The following NRXN1 variants were observed in gnomAD, a reference collection of about 807,000 sequenced individuals.
NRXN1 encodes the protein neurexin-1.
In NRXN1, 39 loss-of-function variants were observed where a neutral mutation model predicts 150.9. The observed-to-expected ratio is 0.26, with a 90% CI of 0.20 to 0.34. The LOEUF is 0.34. Among genes scored for constraint, NRXN1 ranks in the 10% least tolerant of loss-of-function variants. NRXN1 has a pLI of 1.00. For missense variants in NRXN1, 1,815 were observed against 1,949.9 expected (o/e 0.93, Z 1.30); for synonymous variants, 924 against 757.0 (o/e 1.22, Z -3.62).
chr2:50,001,828 G>A (rs913160382), intron 21 of NRXN1, among the ~76,000 whole-genome samples: 26 of 152,032 alleles, frequency 1.7e-4, no homozygotes, highest in East Asian at 1.6e-3. Context: ...CCCTTTAAGC[G>A]TGGACATGAC....
chr2:50,898,344 A>G (rs913006337), intron 5 of NRXN1, among the ~76,000 whole-genome samples: 3 of 152,110 alleles, frequency 2.0e-5, no homozygotes, highest in Non-Finnish European at 2.9e-5. Flanking sequence ...CTGCAGTTTT[A>G]TTTTTTAAAT....
intron 17 of NRXN1, among the ~76,000 whole-genome samples, chr2:50,384,694 C>A (rs756837062): frequency 6.6e-6 from 1 of 152,090 alleles, no homozygotes; most frequent in Non-Finnish European, 1.5e-5. Flanking sequence ...GTTGTCCCAA[C>A]ATTTTCTTTA....
Position 50,435,344 on chromosome 2 carries a change from T to C in NRXN1, c.3364+30098A>G, listed in dbSNP as rs144441004. Among the ~76,000 whole-genome samples the C allele has an allele frequency of 3.9e-3, 600 of 152,312 alleles. 3 individuals are homozygous for C. Among genetic ancestry groups the C allele is most frequent in the African/African-American group, 0.014 (587 of 41,576 alleles). ...GTATGTGAATACATTATGCAAACTA[T>C]AAAATATATATAATTAAATGCAAGA... On this transcript the variant is annotated intron_variant, in intron 17 of 22. Coordinates refer to ENST00000401669, the MANE Select transcript of NRXN1 (RefSeq NM_001330078.2).
At chr2:50,010,508 A>C (rs902132009) in intron 21 of NRXN1, among the ~76,000 whole-genome samples, 6 of 152,102 alleles carry the variant, frequency 3.9e-5, no homozygotes, top group Admixed American at 3.9e-4. Context: ...CGATAACTCT[A>C]AGAAAATGCC....
At chr2:50,314,321 G>C (rs2075416919) in intron 17 of NRXN1, among the ~76,000 whole-genome samples, 1 of 151,954 alleles carries the variant, frequency 6.6e-6, no homozygotes, top group African/African-American at 2.4e-5. Flanking sequence ...AATGAAGAGA[G>C]TCCTGCCACT....
chr2:50,329,071 A>G (rs1247204084), intron 17 of NRXN1, among the ~76,000 whole-genome samples: 2 of 152,230 alleles, frequency 1.3e-5, no homozygotes, highest in South Asian at 2.1e-4. Context: ...TAGATTGATT[A>G]CAGGAAAATA....
At chr2:50,824,773 T>C (rs1670218158) in intron 5 of NRXN1, among the ~76,000 whole-genome samples, 1 of 152,126 alleles carries the variant, frequency 6.6e-6, no homozygotes. Flanking sequence ...GGAGCATGGA[T>C]ACAAACTGGA....
intron 8 of NRXN1, among the ~76,000 whole-genome samples, chr2:50,613,545 G>T (rs533458364): frequency 6.6e-6 from 1 of 152,218 alleles, no homozygotes; most frequent in Non-Finnish European, 1.5e-5. Flanking sequence ...CATCTGCTGC[G>T]TATCAGCCTG....
chr2:51,019,544 T>A (rs1257763341), intron 2 of NRXN1, among the ~76,000 whole-genome samples: 1 of 152,110 alleles, frequency 6.6e-6, no homozygotes, highest in Non-Finnish European at 1.5e-5. Flanking sequence ...AAATCATGTA[T>A]ATTTGCAGAT....
chr2:50,269,837 G>T (rs1440798974), intron 17 of NRXN1, among the ~76,000 whole-genome samples: 1 of 152,084 alleles, frequency 6.6e-6, no homozygotes, highest in African/African-American at 2.4e-5. Flanking sequence ...GAGGCGGAAA[G>T]GTCTAATTTG....
chr2:50,004,264 C>G (rs555884495), intron 21 of NRXN1, among the ~76,000 whole-genome samples: 4 of 152,124 alleles, frequency 2.6e-5, no homozygotes, highest in African/African-American at 7.2e-5. Flanking sequence ...TAAGGAAAGA[C>G]TCATTTATAA....
chr2:50,167,997 A>G lies in NRXN1; in HGVS notation c.3546+68792T>C, dbSNP rs948049767. 2.6e-5 allele frequency among the ~76,000 whole-genome samples: 4 copies of G among 152,126 alleles called. No homozygotes were observed. The South Asian group carries it at 8.3e-4, about 32-fold the overall frequency. On this transcript the variant is annotated intron_variant, in intron 18 of 22. Transcript: ENST00000401669. ...CTCTGAAATAAAAATGTTACAGAAC[A>G]ATGCTTTTATTTCAAGGTTTGCATT... is the stretch of plus-strand genomic sequence containing the variant.
chr2:50,145,703 C>G (rs934250281), intron 18 of NRXN1, among the ~76,000 whole-genome samples: 5 of 151,696 alleles, frequency 3.3e-5, no homozygotes, highest in African/African-American at 1.2e-4. Context: ...TTTGGTCTAC[C>G]TTTTCCTTTA....
intron 5 of NRXN1, among the ~76,000 whole-genome samples, chr2:50,750,601 A>C (rs910044281): frequency 1.3e-5 from 2 of 152,012 alleles, no homozygotes; most frequent in Non-Finnish European, 2.9e-5. Flanking sequence ...TAATAATAAA[A>C]AAAGAAAACC....
chr2:50,080,801 T>C (rs1697839758), intron 19 of NRXN1, among the ~76,000 whole-genome samples: 1 of 152,182 alleles, frequency 6.6e-6, no homozygotes, highest in South Asian at 2.1e-4. Context: ...CCCAGAGGGC[T>C]ATGTCAGTGG....
At chr2:50,134,921 C>A (rs1574096409) in intron 18 of NRXN1, among the ~76,000 whole-genome samples, 1 of 152,180 alleles carries the variant, frequency 6.6e-6, no homozygotes, top group Non-Finnish European at 1.5e-5. Context: ...GATGTCTAAT[C>A]TATTCTTAAA....
chr2:51,014,909 G>A (rs1668432573), intron 2 of NRXN1, among the ~76,000 whole-genome samples: 1 of 151,996 alleles, frequency 6.6e-6, no homozygotes, highest in African/African-American at 2.4e-5. Context: ...CAGTTGGCAG[G>A]AAAAATTCCA....
chr2:50,815,516 TA>T (rs1668805862), intron 5 of NRXN1, among the ~76,000 whole-genome samples: 1 of 152,166 alleles, frequency 6.6e-6, no homozygotes, highest in Admixed American at 6.6e-5. Flanking sequence ...GAACCCATGG[TA>T]TTTTTTTATT....
chr2:50,856,952 T>C lies in NRXN1; in HGVS notation c.832+64917A>G, dbSNP rs531108653. ...TTCTCACAGTAATTGTCATATCCAG[T>C]GCTCCAGATACCACAAGAGACAAAT... On this transcript the variant is annotated intron_variant, in intron 5 of 22. Transcript: ENST00000401669. Among the ~76,000 whole-genome samples the C allele has an allele frequency of 1.5e-3, 224 of 152,216 alleles. 1 individual carries two copies. The highest frequency in any genetic ancestry group is 5.3e-3 in the African/African-American group (220 of 41,562).
Sources: allele counts gnomAD v4.1 joint callset (sites outside exome capture counted in the v4.1 genomes callset), GRCh38; gene constraint gnomAD v4.1.1; transcripts MANE v1.5; gene names NCBI Gene and HGNC (gene_info 2026-07-23, HGNC 2026-07-21).